Variants in APP observed in about 807,000 individuals in gnomAD.
APP encodes the protein amyloid-beta precursor protein.
In APP, 31 loss-of-function variants were observed where a neutral mutation model predicts 101.4. The ratio of observed to expected loss-of-function variants is 0.31; its 90% CI spans 0.23 to 0.41. APP has a LOEUF of 0.41. Ranked by LOEUF, APP falls within the 10% of genes least tolerant of loss-of-function variation. The pLI, the probability that APP is intolerant of heterozygous loss-of-function variation, is 1.00. For synonymous variants in APP, 366 were observed against 364.4 expected, an observed-to-expected ratio of 1.00 and a Z score of -0.05; for missense variants, 839 against 1,003.7, an observed-to-expected ratio of 0.84 and a Z score of 2.22.
chr21:25,972,582 A>G (rs1326114156), intron 11 of APP, among the ~76,000 whole-genome samples: 1 of 152,096 alleles, frequency 6.6e-6, no homozygotes, highest in Admixed American at 6.5e-5. Context: ...TGTCACCCAG[A>G]TGGGAGTACA....
At chr21:25,977,795 G>A (rs1019618389) in intron 9 of APP, among the ~76,000 whole-genome samples, 4 of 152,200 alleles carry the variant, frequency 2.6e-5, no homozygotes, top group Non-Finnish European at 4.4e-5. Flanking sequence ...GAAACATATT[G>A]TCCCATCTGC....
intron 17 of APP, among the ~76,000 whole-genome samples, chr21:25,888,974 G>A (rs780268912): frequency 1.3e-5 from 2 of 152,148 alleles, no homozygotes; most frequent in Non-Finnish European, 2.9e-5. Flanking sequence ...ACTCAGATTC[G>A]CAGCCTCCTA....
intron 8 of APP, among the ~76,000 whole-genome samples, chr21:25,990,456 C>T (rs746356919): frequency 4.3e-5 from 6 of 140,204 alleles, no homozygotes; most frequent in Non-Finnish European, 6.1e-5. Flanking sequence ...CAATAACTGG[C>T]GTCCAGAATG....
At chr21:26,067,823 G>A (rs1421285924) in intron 3 of APP, among the ~76,000 whole-genome samples, 1 of 151,902 alleles carries the variant, frequency 6.6e-6, no homozygotes, top group Non-Finnish European at 1.5e-5. Flanking sequence ...AGATATAGTA[G>A]AGATAATTCT....
At chr21:26,166,952 G>A (rs2063631396) in intron 1 of APP, among the ~76,000 whole-genome samples, 1 of 146,592 alleles carries the variant, frequency 6.8e-6, no homozygotes, top group Non-Finnish European at 1.5e-5. Context: ...GTGTGTGTGT[G>A]TCTGTCTGTC....
In APP at chr21:25,991,439, G is replaced by T. The variant is rs570540929; in HGVS notation, c.1090+5921C>A. 7.9e-5 allele frequency among the ~76,000 whole-genome samples: 12 copies of T among 152,268 alleles called. 1 individual carries two copies. The South Asian group carries it at 2.5e-3, about 32-fold the overall frequency. On this transcript the variant is annotated intron_variant, in intron 8 of 17. Coordinates refer to ENST00000346798, the MANE Select transcript of APP (RefSeq NM_000484.4). ...GTCCCCCAGGCTGGAGTGCGATGGT[G>T]TGATCTCAGCTCACTGCAACCTCTG...
intron 13 of APP, chr21:25,941,188 G>A (rs1339306011): frequency 6.6e-6 from 1 of 152,184 alleles, no homozygotes; most frequent in Non-Finnish European, 1.5e-5. Flanking sequence ...GGGCATTATA[G>A]GCAGATGGAA....
chr21:26,128,144 TAA>T (rs1475695204), intron 1 of APP, among the ~76,000 whole-genome samples: 1 of 152,196 alleles, frequency 6.6e-6, no homozygotes, highest in East Asian at 1.9e-4. Context: ...AAGTTGTCTC[TAA>T]AAGAGACAAA....
intron 3 of APP, among the ~76,000 whole-genome samples, chr21:26,076,567 T>C (rs971853666): frequency 3.3e-5 from 5 of 152,154 alleles, no homozygotes; most frequent in African/African-American, 1.2e-4. Flanking sequence ...CACAGGGAAA[T>C]TCAGCCCTAA....
intron 1 of APP, among the ~76,000 whole-genome samples, chr21:26,145,395 A>G (rs995091056): frequency 1.3e-5 from 2 of 152,184 alleles, no homozygotes; most frequent in African/African-American, 4.8e-5. Flanking sequence ...TCTCACAAGG[A>G]CTGGACCAGG....
At chr21:25,896,082 C>CCAACTCTT (rs932310949) in intron 16 of APP, among the ~76,000 whole-genome samples, 11 of 152,180 alleles carry the variant, frequency 7.2e-5, no homozygotes, top group Non-Finnish European at 7.3e-5. Context: ...TTCTACCCCA[C>CCAACTCTT]CAACTCTTCA....
intron 8 of APP, among the ~76,000 whole-genome samples, chr21:25,990,433 T>C (rs58350710): frequency 0.18 from 25,642 of 139,658 alleles, 2,325 homozygotes; most frequent in South Asian, 0.35. Context: ...AAAAAATATA[T>C]GTGAAGCAAT....
Position 25,954,629 on chromosome 21 carries a change from T to C in APP, c.1648A>G (p.Asn550Asp). ...ATCTCCTCGGCCACTGCAGGCACGT[T>C]GTAGAGCAGGGAGAGAGACTGATTC... The part of the protein sequence containing the change: ...RMNQSLSLLY[N>D]VPAVAEEIQD... Residue 550 changes from asparagine to aspartate, a missense_variant, in exon 13 of 18, where the codon AAC (asparagine) becomes GAC (aspartate). Asn to Asp is a conservative substitution (Grantham distance 23). Coordinates refer to ENST00000346798, the MANE Select transcript of APP (RefSeq NM_000484.4). 6.2e-7 allele frequency: 1 copy of C among 1,614,142 alleles called. No individual in the cohort carries two copies. Among genetic ancestry groups the C allele is most frequent in the Non-Finnish European group, 8.5e-7 (1 of 1,180,008 alleles).
chr21:26,003,862 AG>A (rs1369779379), intron 6 of APP, among the ~76,000 whole-genome samples: 1 of 152,226 alleles, frequency 6.6e-6, no homozygotes, highest in African/African-American at 2.4e-5. Flanking sequence ...TTCCTACAGC[AG>A]TGAAGCTGAC....
At chr21:26,161,173 AGT>A (rs985062489) in intron 1 of APP, among the ~76,000 whole-genome samples, 1 of 152,206 alleles carries the variant, frequency 6.6e-6, no homozygotes, top group Admixed American at 6.5e-5. Flanking sequence ...TGTATAGAAA[AGT>A]GTGTGATCAC....
intron 3 of APP, among the ~76,000 whole-genome samples, chr21:26,089,257 T>A (rs2061767525): frequency 6.6e-6 from 1 of 152,170 alleles, no homozygotes; most frequent in African/African-American, 2.4e-5. Context: ...AGGAACAGAC[T>A]AATAACCAAG....
At chr21:25,949,418 G>A (rs72635009) in intron 13 of APP, among the ~76,000 whole-genome samples, 5,791 of 152,240 alleles carry the variant, frequency 0.038, 297 homozygotes, top group East Asian at 0.2. Flanking sequence ...CATCCATTTA[G>A]TTAGCTTGAT....
chr21:25,903,293 C>G (rs1350888511), intron 15 of APP, among the ~76,000 whole-genome samples: 1 of 150,976 alleles, frequency 6.6e-6, no homozygotes, highest in African/African-American at 2.4e-5. Context: ...TGCTTGAACC[C>G]CCGAGGCAGA....
At chr21:26,107,962 G>A (rs1250476105) in intron 2 of APP, among the ~76,000 whole-genome samples, 1 of 152,170 alleles carries the variant, frequency 6.6e-6, no homozygotes. Context: ...TTTAATGAAA[G>A]ATGTATTTAA....
Sources: allele counts gnomAD v4.1 joint callset (sites outside exome capture counted in the v4.1 genomes callset), GRCh38; gene constraint gnomAD v4.1.1; transcripts MANE v1.5; gene names NCBI Gene and HGNC (gene_info 2026-07-23, HGNC 2026-07-21).